FARS2: variants seen among roughly 807,000 people sequenced by gnomAD.
FARS2 encodes the protein phenylalanyl-tRNA synthetase 2, mitochondrial.
FARS2 carries 40 observed loss-of-function variants against 46.4 expected under a neutral mutation model. The ratio of observed to expected loss-of-function variants is 0.86; its 90% CI spans 0.67 to 1.12. The LOEUF is 1.12. Among genes scored for constraint, FARS2 ranks in the 50% most tolerant of loss-of-function variants. The pLI, the probability that FARS2 is intolerant of heterozygous loss-of-function variation, is 0.00. For synonymous variants in FARS2, 234 were observed against 214.9 expected (o/e 1.09, Z -0.78); for missense variants, 513 against 567.9 (o/e 0.90, Z 0.98).
At chr6:5,751,216 G>A (rs554402563) in intron 6 of FARS2, among the ~76,000 whole-genome samples, 1 of 152,168 alleles carries the variant, frequency 6.6e-6, no homozygotes, top group African/African-American at 2.4e-5. Context: ...TGTCAGTCTT[G>A]GAAGGAAAGC....
chr6:5,576,355 A>G (rs1772962107), intron 5 of FARS2, among the ~76,000 whole-genome samples: 1 of 151,944 alleles, frequency 6.6e-6, no homozygotes, highest in Non-Finnish European at 1.5e-5. Context: ...AAAAAATGTA[A>G]AAAGGCTAGA....
chr6:5,709,291 A>G (rs1002453736), intron 6 of FARS2, among the ~76,000 whole-genome samples: 2 of 152,176 alleles, frequency 1.3e-5, no homozygotes, highest in Non-Finnish European at 2.9e-5. Flanking sequence ...GGGCCCGAGC[A>G]GAGGAGGGCA....
At chr6:5,684,012 G>T (rs370972813) in intron 6 of FARS2, among the ~76,000 whole-genome samples, 24 of 152,188 alleles carry the variant, frequency 1.6e-4, no homozygotes, top group East Asian at 1.3e-3. Context: ...TCTTTTTCCA[G>T]TCTATCACTG....
chr6:5,491,928 T>C (rs1391882834), intron 4 of FARS2, among the ~76,000 whole-genome samples: 6 of 152,076 alleles, frequency 3.9e-5, no homozygotes, highest in Non-Finnish European at 4.4e-5. Context: ...TTTTTCCTGG[T>C]ATGTACATTC....
At chr6:5,324,443 C>CTTTT (rs745311767) in intron 1 of FARS2, among the ~76,000 whole-genome samples, 11 of 88,248 alleles carry the variant, frequency 1.2e-4, no homozygotes, top group Non-Finnish European at 1.4e-4. Context: ...AGACTATTTG[C>CTTTT]TTTTTTTTTT....
chr6:5,642,142 GTA>G (rs1776851922), intron 6 of FARS2, among the ~76,000 whole-genome samples: 1 of 152,132 alleles, frequency 6.6e-6, no homozygotes, highest in African/African-American at 2.4e-5. Flanking sequence ...GTGTGTGTCT[GTA>G]TGTGTGTGTG....
intron 1 of FARS2, among the ~76,000 whole-genome samples, chr6:5,307,497 A>G (rs931091740): frequency 6.6e-6 from 1 of 152,218 alleles, no homozygotes; most frequent in Non-Finnish European, 1.5e-5. Flanking sequence ...ACACGCGTGC[A>G]CACACACATG....
At chr6:5,335,020 ATGATGGTT>A (rs1436420743) in intron 1 of FARS2, among the ~76,000 whole-genome samples, 1 of 152,160 alleles carries the variant, frequency 6.6e-6, no homozygotes, top group Non-Finnish European at 1.5e-5. Flanking sequence ...GATGGTTTCT[ATGATGGTT>A]TGATGGTTTC....
intron 1 of FARS2, among the ~76,000 whole-genome samples, chr6:5,367,774 T>G (rs1758775647): frequency 2.0e-5 from 3 of 152,134 alleles, no homozygotes; most frequent in Non-Finnish European, 2.9e-5. Context: ...AAGGTGTAAT[T>G]GAGAGGATGC....
chr6:5,700,193 A>G (rs1758333682), intron 6 of FARS2, among the ~76,000 whole-genome samples: 1 of 152,206 alleles, frequency 6.6e-6, no homozygotes, highest in African/African-American at 2.4e-5. Flanking sequence ...CATTCACTCA[A>G]TTGTACATTT....
intron 1 of FARS2, among the ~76,000 whole-genome samples, chr6:5,269,536 A>T (rs533712804): frequency 6.6e-6 from 1 of 151,728 alleles, no homozygotes; most frequent in Non-Finnish European, 1.5e-5. Flanking sequence ...GCAGTATCTC[A>T]TTTTAGTAAT....
intron 1 of FARS2, among the ~76,000 whole-genome samples, chr6:5,340,428 T>C (rs1036827121): frequency 1.3e-5 from 2 of 152,244 alleles, no homozygotes; most frequent in Non-Finnish European, 2.9e-5. Context: ...TTAATCCTAC[T>C]GTGTTTTCAT....
chr6:5,333,897 A>G (rs1272684249), intron 1 of FARS2, among the ~76,000 whole-genome samples: 1 of 152,194 alleles, frequency 6.6e-6, no homozygotes, highest in Non-Finnish European at 1.5e-5. Flanking sequence ...TCATCATTAA[A>G]TATCCAGTTG....
chr6:5,506,512 T>C (rs1768108300), intron 4 of FARS2, among the ~76,000 whole-genome samples: 1 of 152,206 alleles, frequency 6.6e-6, no homozygotes, highest in South Asian at 2.1e-4. Context: ...CTGTTTACAA[T>C]TCTGCAGGCT....
intron 4 of FARS2, among the ~76,000 whole-genome samples, chr6:5,470,532 A>G (rs945763503): frequency 6.6e-6 from 1 of 152,218 alleles, no homozygotes; most frequent in African/African-American, 2.4e-5. Flanking sequence ...TACATAATGG[A>G]AAAAAGAATA....
intron 1 of FARS2, among the ~76,000 whole-genome samples, chr6:5,333,751 C>T (rs1770960399): frequency 6.6e-6 from 1 of 152,146 alleles, no homozygotes; most frequent in African/African-American, 2.4e-5. Context: ...GTATTTTGGG[C>T]AGTCGCTAGC....
intron 5 of FARS2, among the ~76,000 whole-genome samples, chr6:5,556,569 A>G (rs1468016384): frequency 6.6e-6 from 1 of 151,894 alleles, no homozygotes; most frequent in Non-Finnish European, 1.5e-5. Flanking sequence ...AACCTGCTCC[A>G]TCAGAGGTCT....
chr6:5,715,236 C>T (rs543945320), intron 6 of FARS2, among the ~76,000 whole-genome samples: 1 of 152,210 alleles, frequency 6.6e-6, no homozygotes, highest in South Asian at 2.1e-4. Flanking sequence ...GGATTTGATC[C>T]AGGGGGTCTG....
chr6:5,443,660 G>A (rs1349907607), intron 4 of FARS2, among the ~76,000 whole-genome samples: 1 of 152,234 alleles, frequency 6.6e-6, no homozygotes, highest in African/African-American at 2.4e-5. Context: ...AGCCCAGCCA[G>A]TCTGGACCAG....
Sources: gnomAD v4.1 joint callset for allele counts (sites outside exome capture counted in the v4.1 genomes callset) on GRCh38, gnomAD v4.1.1 for gene constraint, MANE v1.5 for transcripts, NCBI Gene and HGNC (gene_info 2026-07-23, HGNC 2026-07-21) for gene names.